Variants in SLMAP observed in about 807,000 individuals in gnomAD.
SLMAP encodes sarcolemmal membrane-associated protein.
SLMAP carries 44 observed loss-of-function variants against 128.8 expected under a neutral mutation model. The ratio of observed to expected loss-of-function variants is 0.34; its 90% CI spans 0.27 to 0.44. The LOEUF is 0.44. Ranked by LOEUF, SLMAP falls within the 20% of genes least tolerant of loss-of-function variation. SLMAP has a pLI of 1.00. For synonymous variants in SLMAP, 327 were observed against 348.8 expected (o/e 0.94, Z 0.70); for missense variants, 787 against 985.3 (o/e 0.80, Z 2.69).
chr3:57,906,292 ATTTTT>A (rs1351679528), intron 17 of SLMAP, among the ~76,000 whole-genome samples: 3 of 78,754 alleles, frequency 3.8e-5, no homozygotes, highest in African/African-American at 1.4e-4. Flanking sequence ...CCAGAATCAA[ATTTTT>A]TTCTTTTTTT....
At chr3:57,874,183 T>G (rs1229679024) in intron 14 of SLMAP, among the ~76,000 whole-genome samples, 1 of 152,066 alleles carries the variant, frequency 6.6e-6, no homozygotes, top group Non-Finnish European at 1.5e-5. Flanking sequence ...CCCTAGCTAC[T>G]CAAGAAGCTA....
At chr3:57,848,913 C>T (rs748826073) in intron 5 of SLMAP, among the ~76,000 whole-genome samples, 6 of 151,842 alleles carry the variant, frequency 4.0e-5, no homozygotes, top group Non-Finnish European at 8.8e-5. Flanking sequence ...TTCTCCATGT[C>T]GGTCAGGCTG....
intron 13 of SLMAP, among the ~76,000 whole-genome samples, chr3:57,868,797 T>TATATATATATATATATATATATATAAA (rs1462661632): frequency 1.4e-4 from 3 of 20,930 alleles, no homozygotes; most frequent in Non-Finnish European, 9.1e-5. Context: ...ACTAATGGAA[T>TATATATATATATATATATATATATAAA]ATATATATAT....
At chr3:57,767,122 T>A (rs2079900565) in intron 2 of SLMAP, among the ~76,000 whole-genome samples, 3 of 152,106 alleles carry the variant, frequency 2.0e-5, no homozygotes, top group Non-Finnish European at 4.4e-5. Flanking sequence ...TTTCACCATG[T>A]TGCCCAGGCT....
At chr3:57,767,120 T>A (rs2079899657) in intron 2 of SLMAP, among the ~76,000 whole-genome samples, 1 of 152,026 alleles carries the variant, frequency 6.6e-6, no homozygotes, top group South Asian at 2.1e-4. Context: ...GATTTCACCA[T>A]GTTGCCCAGG....
At chr3:57,772,966 A>T (rs1017844113) in intron 2 of SLMAP, among the ~76,000 whole-genome samples, 2 of 151,816 alleles carry the variant, frequency 1.3e-5, no homozygotes, top group African/African-American at 4.8e-5. Flanking sequence ...TGTGACACTA[A>T]CTCCTGATGT....
intron 2 of SLMAP, among the ~76,000 whole-genome samples, chr3:57,828,866 A>C (rs910575568): frequency 2.6e-5 from 4 of 151,874 alleles, no homozygotes; most frequent in Admixed American, 6.6e-5. Flanking sequence ...TGCAGCCGCA[A>C]CCTCCCAGGG....
intron 13 of SLMAP, among the ~76,000 whole-genome samples, chr3:57,868,087 C>T (rs1173887418): frequency 6.6e-6 from 1 of 151,650 alleles, no homozygotes; most frequent in Non-Finnish European, 1.5e-5. Flanking sequence ...ATAGTGAGAA[C>T]CCATCTCTAT....
intron 8 of SLMAP, among the ~76,000 whole-genome samples, chr3:57,859,765 A>C (rs182317235): frequency 2.6e-4 from 40 of 152,258 alleles, no homozygotes; most frequent in African/African-American, 9.4e-4. Context: ...TACAATATAC[A>C]CTACTCAGGT....
chr3:57,788,389 G>C (rs2084702031), intron 2 of SLMAP, among the ~76,000 whole-genome samples: 1 of 151,884 alleles, frequency 6.6e-6, no homozygotes, highest in Admixed American at 6.5e-5. Flanking sequence ...AGAGGCAAGG[G>C]GACTTGTAGA....
At chr3:57,859,130 C>T (rs907659501) in intron 8 of SLMAP, among the ~76,000 whole-genome samples, 2 of 151,918 alleles carry the variant, frequency 1.3e-5, no homozygotes, top group African/African-American at 2.4e-5. Flanking sequence ...TCAAAACCAG[C>T]GTGGCCAACA....
At chr3:57,840,234 G>A (rs1182567259) in intron 3 of SLMAP, among the ~76,000 whole-genome samples, 2 of 152,264 alleles carry the variant, frequency 1.3e-5, no homozygotes, top group East Asian at 1.9e-4. Flanking sequence ...GATTACAGGC[G>A]TGAGCCACCA....
chr3:57,782,804 G>A (rs2083332386), intron 2 of SLMAP, among the ~76,000 whole-genome samples: 1 of 152,122 alleles, frequency 6.6e-6, no homozygotes, highest in African/African-American at 2.4e-5. Context: ...TCTTAGGAGT[G>A]GGTTAGTATT....
At position 57,848,176 on chromosome 3, in the gene SLMAP, G is replaced by GCTC. The variant is rs58849244; in HGVS notation, c.456+962_456+964dup. On this transcript the variant is annotated intron_variant, in intron 5 of 24. Transcript: ENST00000671191. ...TCCTTCTTCTTCTCCTCCTGCTCCT[G>GCTC]CTCCTCCTCCTCCTCCTCCTCTTCT... Among the ~76,000 whole-genome samples, 32 of 150,062 alleles carry GCTC rather than the reference G, an allele frequency of 2.1e-4. 1 individual carries two copies. The highest frequency in any genetic ancestry group is 4.2e-4 in the South Asian group (2 of 4,740).
chr3:57,805,144 C>T (rs1369926816), intron 2 of SLMAP, among the ~76,000 whole-genome samples: 1 of 152,036 alleles, frequency 6.6e-6, no homozygotes, highest in East Asian at 1.9e-4. Flanking sequence ...TTCCTTTTAC[C>T]TTTTTGACTA....
At chr3:57,819,405 C>T (rs1057362661) in intron 2 of SLMAP, among the ~76,000 whole-genome samples, 2 of 152,076 alleles carry the variant, frequency 1.3e-5, no homozygotes, top group Non-Finnish European at 2.9e-5. Context: ...CTTTTTTGGG[C>T]AGGTGTACTA....
At chr3:57,771,365 G>A (rs919123290) in intron 2 of SLMAP, among the ~76,000 whole-genome samples, 1 of 151,930 alleles carries the variant, frequency 6.6e-6, no homozygotes, top group African/African-American at 2.4e-5. Flanking sequence ...CGAGTATATG[G>A]GACCACAGGT....
intron 2 of SLMAP, among the ~76,000 whole-genome samples, chr3:57,825,048 A>G (rs981173773): frequency 6.6e-6 from 1 of 152,034 alleles, no homozygotes. Flanking sequence ...TCCTTTTTGA[A>G]TTATTCATTG....
At chr3:57,881,209 T>A (rs1263819397) in intron 14 of SLMAP, among the ~76,000 whole-genome samples, 1 of 151,880 alleles carries the variant, frequency 6.6e-6, no homozygotes, top group Non-Finnish European at 1.5e-5. Context: ...AAAAAAGTTT[T>A]AAAAAAGAAG....
Sources: gnomAD v4.1 joint callset for allele counts (sites outside exome capture counted in the v4.1 genomes callset) on GRCh38, gnomAD v4.1.1 for gene constraint, MANE v1.5 for transcripts, NCBI Gene and HGNC (gene_info 2026-07-23, HGNC 2026-07-21) for gene names.